ZBTB41: variants seen among roughly 807,000 people sequenced by gnomAD.
ZBTB41 encodes the protein zinc finger and BTB domain-containing protein 41.
ZBTB41 carries 42 observed loss-of-function variants against 87.6 expected under a neutral mutation model. That is an observed-to-expected ratio of 0.48 (90% CI 0.37 to 0.62). ZBTB41 has a LOEUF of 0.62. Among genes scored for constraint, ZBTB41 ranks in the 20% least tolerant of loss-of-function variants. The pLI is 0.00. For missense variants in ZBTB41, 799 were observed against 1,078.9 expected, an observed-to-expected ratio of 0.74 and a Z score of 3.63; for synonymous variants, 364 against 364.0, an observed-to-expected ratio of 1.00 and a Z score of 0.00.
chr1:197,168,697 G>A (rs1478714797), intron 10 of ZBTB41, among the ~76,000 whole-genome samples: 2 of 151,976 alleles, frequency 1.3e-5, no homozygotes, highest in Non-Finnish European at 2.9e-5. Context: ...ATGACCTTGG[G>A]TTGAGCAAAA....
At chr1:197,170,179 G>C (rs1018053653) in intron 10 of ZBTB41, among the ~76,000 whole-genome samples, 7 of 151,644 alleles carry the variant, frequency 4.6e-5, no homozygotes, top group African/African-American at 1.5e-4. Context: ...AAGAAAAAAG[G>C]TTATAGAGGA....
chr1:197,195,236 AT>A (rs1186379293), intron 2 of ZBTB41, among the ~76,000 whole-genome samples: 1 of 152,232 alleles, frequency 6.6e-6, no homozygotes, highest in Non-Finnish European at 1.5e-5. Flanking sequence ...AACATAAGAA[AT>A]TTTATCCACA....
intron 10 of ZBTB41, 124 bp from the exon 11 acceptor site, chr1:197,160,138 A>C: frequency 1.5e-6 from 1 of 677,764 alleles, no homozygotes; most frequent in Non-Finnish European, 2.5e-6. Flanking sequence ...ATAATACTGT[A>C]TACTATCACA....
At chr1:197,172,125 A>C (rs558968431) in intron 10 of ZBTB41, 35 bp downstream of exon 10, 86 of 843,764 alleles carry the variant, frequency 1.0e-4, no homozygotes, top group East Asian at 5.3e-4. Context: ...CTCTCTCTAT[A>C]TATATATATC....
chr1:197,191,280 T>G (rs1015939949), intron 3 of ZBTB41, among the ~76,000 whole-genome samples: 3 of 151,508 alleles, frequency 2.0e-5, no homozygotes, highest in Non-Finnish European at 2.9e-5. Context: ...GGCAATATAG[T>G]GAAACCCAGT....
At chr1:197,182,243 T>C (rs1187612045) in intron 5 of ZBTB41, among the ~76,000 whole-genome samples, 3 of 152,182 alleles carry the variant, frequency 2.0e-5, no homozygotes, top group Admixed American at 6.6e-5. Context: ...TGACTATCTG[T>C]ATAGCTGGCG....
At chr1:197,167,805 A>G (rs1006491165) in intron 10 of ZBTB41, among the ~76,000 whole-genome samples, 2 of 152,204 alleles carry the variant, frequency 1.3e-5, no homozygotes, top group African/African-American at 4.8e-5. Flanking sequence ...GAATTATTGA[A>G]AGCTTTTCCC....
At chr1:197,194,864 G>A (rs541856864) in intron 2 of ZBTB41, among the ~76,000 whole-genome samples, 1 of 152,170 alleles carries the variant, frequency 6.6e-6, no homozygotes, top group Non-Finnish European at 1.5e-5. Context: ...ACAAGAACAG[G>A]AGAGACAACT....
chr1:197,172,119 C>G (rs6698189), intron 10 of ZBTB41, 41 bp downstream of exon 10: 6 of 786,970 alleles, frequency 7.6e-6, no homozygotes, highest in Non-Finnish European at 1.1e-5. Flanking sequence ...ATATATCTCT[C>G]TCTATATATA....
In ZBTB41 at chr1:197,193,606, T is replaced by G. The variant is rs1489022666; in HGVS notation, c.1121-1707A>C. 2.0e-5 allele frequency among the ~76,000 whole-genome samples: 3 copies of G among 152,176 alleles called. No homozygotes were observed. In the East Asian group the frequency reaches 5.8e-4, roughly 29 times the overall value. ...ATTGGATACACTTGGCTCTTTCCCC[T>G]TGCCACTGCTAAAATTGCTTAGTAT... On this transcript the variant is annotated intron_variant, in intron 2 of 10. Coordinates refer to ENST00000367405, the MANE Select transcript of ZBTB41 (RefSeq NM_194314.3).
At chr1:197,193,625 T>C (rs1277258738) in intron 2 of ZBTB41, among the ~76,000 whole-genome samples, 1 of 152,162 alleles carries the variant, frequency 6.6e-6, no homozygotes, top group African/African-American at 2.4e-5. Context: ...CTAAAATTGC[T>C]TAGTATCTCA....
At position 197,153,949 on chromosome 1, in the gene ZBTB41, T is replaced by A. The variant is rs897102803; in HGVS notation, c.*5410A>T. On this transcript the variant is annotated 3_prime_UTR_variant, in exon 11 of 11. Coordinates refer to ENST00000367405, the MANE Select transcript of ZBTB41 (RefSeq NM_194314.3). ...AAAAACAAAAATTATTATTTGAGAC[T>A]GAAAACAAGTGCAAAAGCATTTCTA... The A allele has an allele frequency of 2.6e-5, 4 of 152,480 alleles. No homozygotes were observed. The highest frequency in any genetic ancestry group is 6.5e-5 in the Admixed American group (1 of 15,276). 9.4% of individuals were successfully genotyped at this position (152,480 alleles called of 1,614,324 possible). A position where few individuals can be genotyped will look rare whatever the true frequency, so the allele number is the denominator to read the frequency against.
rs184769193 is a variant in ZBTB41, at chr1:197,164,375, T to C, written c.2075-4361A>G. Reference sequence around the variant, plus strand: ...AGAGAAAAAAGCATCAAGGAATCAATTGTGTGAACAGCATGATGATACATT... The same window carrying C: ...AGAGAAAAAAGCATCAAGGAATCAACTGTGTGAACAGCATGATGATACATT... On this transcript the variant is annotated intron_variant, in intron 10 of 10. Coordinates refer to ENST00000367405, the MANE Select transcript of ZBTB41 (RefSeq NM_194314.3). Among the ~76,000 whole-genome samples the C allele has an allele frequency of 1.9e-3, 291 of 151,964 alleles. 1 individual carries two copies. Among genetic ancestry groups the C allele is most frequent in the African/African-American group, 6.7e-3 (276 of 41,496 alleles).
Position 197,159,488 on chromosome 1 carries a change from T to G in ZBTB41, c.2601A>C (p.Ala867=), listed in dbSNP as rs758404371. The G allele has an allele frequency of 6.2e-7, 1 of 1,613,988 alleles. No homozygotes were observed. Among genetic ancestry groups the G allele is most frequent in the Non-Finnish European group, 8.5e-7 (1 of 1,179,876 alleles). Residue 867 remains alanine (A), a synonymous_variant, in exon 11 of 11, where the codon GCA becomes GCC. Transcript: ENST00000367405. The stretch of plus-strand genomic sequence containing the variant: ...CAGGTCGAACTGGGTGAACTATATT[T>G]GCAGGTTGAGGAGTAAGAGTATATT... ...LEKYTLTPQP[A]NIVHPVRPEQ...
intron 7 of ZBTB41, 55 bp downstream of exon 7, chr1:197,178,362 A>C: frequency 8.2e-7 from 1 of 1,216,340 alleles, no homozygotes; most frequent in Non-Finnish European, 1.2e-6. Flanking sequence ...AATAGAACTA[A>C]AATAGAGATA....
At chr1:197,177,093 T>C (rs574108114) in intron 7 of ZBTB41, among the ~76,000 whole-genome samples, 26 of 152,232 alleles carry the variant, frequency 1.7e-4, no homozygotes, top group Non-Finnish European at 3.5e-4. Context: ...ATCATGATGA[T>C]AGCAAATGAT....
chr1:197,174,567 A>G (rs1161455710), intron 9 of ZBTB41, among the ~76,000 whole-genome samples: 1 of 152,150 alleles, frequency 6.6e-6, no homozygotes. Flanking sequence ...CCTCAGTTAA[A>G]CTTGGATATC....
chr1:197,179,948 T>A (rs763767895), intron 6 of ZBTB41, among the ~76,000 whole-genome samples: 2 of 152,024 alleles, frequency 1.3e-5, no homozygotes, highest in Non-Finnish European at 2.9e-5. Flanking sequence ...AAAATTTTAA[T>A]ACATTTAGTG....
chr1:197,183,650 C>G (rs1000150979), intron 5 of ZBTB41, among the ~76,000 whole-genome samples: 2 of 152,100 alleles, frequency 1.3e-5, no homozygotes, highest in African/African-American at 4.8e-5. Flanking sequence ...AATAGTATCC[C>G]CAGATCCTAA....
Sources: gnomAD v4.1 joint callset for allele counts (sites outside exome capture counted in the v4.1 genomes callset) on GRCh38, gnomAD v4.1.1 for gene constraint, MANE v1.5 for transcripts, NCBI Gene and HGNC (gene_info 2026-07-23, HGNC 2026-07-21) for gene names.